The following VRK2 variants were observed in gnomAD, a reference collection of about 807,000 sequenced individuals.
VRK2 encodes the protein VRK serine/threonine kinase 2.
VRK2 carries 60 observed loss-of-function variants against 57.6 expected under a neutral mutation model. The ratio of observed to expected loss-of-function variants is 1.04; its 90% CI spans 0.85 to 1.29. VRK2 has a LOEUF of 1.29. Among genes scored for constraint, VRK2 ranks in the 50% most tolerant of loss-of-function variants. VRK2 has a pLI of 0.00. For synonymous variants in VRK2, 231 were observed against 199.2 expected, an observed-to-expected ratio of 1.16 and a Z score of -1.35; for missense variants, 705 against 588.1, an observed-to-expected ratio of 1.20 and a Z score of -2.06.
chr2:58,030,383 G>C (rs1257527008), intron 2 of VRK2, among the ~76,000 whole-genome samples: 1 of 151,796 alleles, frequency 6.6e-6, no homozygotes, highest in Admixed American at 6.6e-5. Flanking sequence ...TCATAGTTTG[G>C]GGTTTTACAT....
chr2:57,962,620 A>G (rs1387172414), intron 1 of VRK2, among the ~76,000 whole-genome samples: 2 of 151,964 alleles, frequency 1.3e-5, no homozygotes, highest in Admixed American at 6.6e-5. Context: ...TCCTTCTTCG[A>G]GTCCATGTGT....
chr2:57,969,256 A>G (rs1277600420), intron 1 of VRK2, among the ~76,000 whole-genome samples: 1 of 152,096 alleles, frequency 6.6e-6, no homozygotes, highest in Non-Finnish European at 1.5e-5. Flanking sequence ...GGGAACTAAT[A>G]AAGTAGACAA....
chr2:58,020,671 A>C (rs1407150936), intron 1 of VRK2, among the ~76,000 whole-genome samples: 1 of 152,246 alleles, frequency 6.6e-6, no homozygotes, highest in East Asian at 1.9e-4. Flanking sequence ...GAAATTGTGG[A>C]TGCTTCTGGG....
At chr2:58,064,616 A>G (rs938470864) in intron 2 of VRK2, among the ~76,000 whole-genome samples, 7 of 152,100 alleles carry the variant, frequency 4.6e-5, no homozygotes, top group African/African-American at 1.4e-4. Flanking sequence ...TCATGGCAAT[A>G]TTCATTTTAT....
intron 1 of VRK2, among the ~76,000 whole-genome samples, chr2:57,945,068 CT>C (rs1481125384): frequency 1.3e-5 from 2 of 152,074 alleles, no homozygotes; most frequent in African/African-American, 4.8e-5. Context: ...AATGGGAATA[CT>C]CTGGAATAAC....
intron 7 of VRK2, among the ~76,000 whole-genome samples, chr2:58,093,456 T>C (rs1222956660): frequency 6.6e-6 from 1 of 152,154 alleles, no homozygotes; most frequent in African/African-American, 2.4e-5. Context: ...GCTGCATAAA[T>C]GTCTTCTTTT....
intron 7 of VRK2, among the ~76,000 whole-genome samples, chr2:58,092,912 T>G (rs932369654): frequency 6.6e-6 from 1 of 151,946 alleles, no homozygotes; most frequent in Non-Finnish European, 1.5e-5. Context: ...GAACATGCGG[T>G]GTTTGGTTTT....
Position 58,159,798 on chromosome 2 carries a change from T to G in VRK2, c.*105T>G. The stretch of plus-strand genomic sequence containing the variant: ...TCCTTCCAGACATTTTTAAGGTAAT[T>G]GGCTTTAAAAAGAGAACATATTTTA... On this transcript the variant is annotated 3_prime_UTR_variant, in exon 13 of 13. Coordinates refer to ENST00000340157, the MANE Select transcript of VRK2 (RefSeq NM_006296.7). The G allele has an allele frequency of 6.2e-7, 1 of 1,612,920 alleles. No individual in the cohort carries two copies. The highest frequency in any genetic ancestry group is 1.1e-5 in the South Asian group (1 of 90,978).
In VRK2 at chr2:58,048,900, T is replaced by C. The variant is rs756034029; in HGVS notation, c.69T>C (p.Asp23=). ...IPFPEGKVLD[D]MEGNQWVLGK... Reference sequence around the variant, plus strand: ...TTCCAGAAGGCAAGGTTCTGGATGATATGGAAGGCAATCAGTGGGTACTGG... The same window carrying C: ...TTCCAGAAGGCAAGGTTCTGGATGACATGGAAGGCAATCAGTGGGTACTGG... The change falls in exon 2 of 13, where the codon GAT becomes GAC. Residue 23 remains aspartate (D), a synonymous_variant. Coordinates refer to ENST00000340157, the MANE Select transcript of VRK2 (RefSeq NM_006296.7). 6.2e-7 allele frequency: 1 copy of C among 1,614,036 alleles called. No individual in the cohort carries two copies. The highest frequency in any genetic ancestry group is 1.1e-5 in the South Asian group (1 of 91,084).
chr2:58,068,829 A>C (rs1164650208), intron 2 of VRK2, among the ~76,000 whole-genome samples: 3 of 146,300 alleles, frequency 2.1e-5, no homozygotes, highest in East Asian at 2.0e-4. Flanking sequence ...AAAAAAAAAA[A>C]CAAAAACTCG....
At chr2:58,056,062 G>A (rs1055812511) in intron 2 of VRK2, among the ~76,000 whole-genome samples, 2 of 151,872 alleles carry the variant, frequency 1.3e-5, no homozygotes, top group African/African-American at 4.8e-5. Context: ...CCTTCTGATT[G>A]TCTCACACCC....
At chr2:57,953,822 A>T (rs899640665) in intron 1 of VRK2, among the ~76,000 whole-genome samples, 4 of 152,228 alleles carry the variant, frequency 2.6e-5, no homozygotes, top group Non-Finnish European at 5.9e-5. Flanking sequence ...TAAAAAAATT[A>T]AAATGAACTG....
chr2:58,116,625 T>G (rs889046696), intron 7 of VRK2, among the ~76,000 whole-genome samples: 3 of 152,110 alleles, frequency 2.0e-5, no homozygotes, highest in African/African-American at 7.2e-5. Flanking sequence ...GAGAGTTACC[T>G]AAAGCTCAGC....
At chr2:58,157,632 C>T (rs554926974) in intron 12 of VRK2, among the ~76,000 whole-genome samples, 2 of 152,284 alleles carry the variant, frequency 1.3e-5, no homozygotes, top group East Asian at 3.9e-4. Flanking sequence ...CTCAGAAATA[C>T]AGAATCTCAG....
At chr2:58,123,353 G>A in intron 8 of VRK2, 120 bp downstream of exon 8, 2 of 1,244,256 alleles carry the variant, frequency 1.6e-6, no homozygotes, top group South Asian at 1.6e-5. Context: ...CACTGGTGAG[G>A]TTTTTATCAA....
chr2:57,997,820 G>A (rs982952299), intron 1 of VRK2, among the ~76,000 whole-genome samples: 1 of 151,688 alleles, frequency 6.6e-6, no homozygotes, highest in African/African-American at 2.4e-5. Context: ...TCAGGCTTGA[G>A]TTCCGAAGGC....
chr2:57,965,035 T>C (rs1336439252), intron 1 of VRK2, among the ~76,000 whole-genome samples: 3 of 152,026 alleles, frequency 2.0e-5, no homozygotes, highest in Non-Finnish European at 4.4e-5. Context: ...AATACATAAA[T>C]AAACTTTGGA....
At chr2:57,972,938 G>A (rs1218902230) in intron 1 of VRK2, among the ~76,000 whole-genome samples, 1 of 151,710 alleles carries the variant, frequency 6.6e-6, no homozygotes, top group Non-Finnish European at 1.5e-5. Flanking sequence ...TGAGCATTTG[G>A]GTTCTTTCTA....
rs1672614378 is a variant in VRK2, at chr2:57,986,962, TA to T, written c.-438-38702del. ...AAACTAATTGTTAGATAAAGGATAA[TA>T]TTTTTTAAAAATTGTGTTGGAAAAA... On this transcript the variant is annotated intron_variant, in intron 1 of 15. Coordinates refer to the VRK2 transcript ENST00000417641. Among the ~76,000 whole-genome samples the T allele has an allele frequency of 2.0e-5, 3 of 152,308 alleles. No homozygotes were observed. The South Asian group carries it at 6.2e-4, about 32-fold the overall frequency.
Sources: gnomAD v4.1 joint callset for allele counts (sites outside exome capture counted in the v4.1 genomes callset) on GRCh38, gnomAD v4.1.1 for gene constraint, MANE v1.5 for transcripts, NCBI Gene and HGNC (gene_info 2026-07-23, HGNC 2026-07-21) for gene names.